The following GREB1 variants were observed in gnomAD, a reference collection of about 807,000 sequenced individuals.
GREB1 encodes growth regulating estrogen receptor binding 1.
Under a neutral mutation model 200.7 loss-of-function variants are expected in GREB1, and 106 were observed. The observed-to-expected ratio is 0.53, with a 90% confidence interval of 0.45 to 0.62. GREB1 has a LOEUF of 0.62. Among genes scored for constraint, GREB1 ranks in the 20% least tolerant of loss-of-function variants. GREB1 has a pLI of 0.00. For synonymous variants in GREB1, 1,132 were observed against 1,092.4 expected (o/e 1.04, Z -0.72); for missense variants, 2,243 against 2,556.8 (o/e 0.88, Z 2.65).
chr2:11,533,707 G>T (rs917090180), upstream of GREB1, among the ~76,000 whole-genome samples: 3 of 152,192 alleles, frequency 2.0e-5, no homozygotes, highest in African/African-American at 4.8e-5. Context: ...TGAACGTTTT[G>T]GGGTAGCCAG....
At chr2:11,587,641 G>A (rs571337575) in intron 9 of GREB1, 220 of 1,369,044 alleles carry the variant, frequency 1.6e-4, no homozygotes, top group Non-Finnish European at 1.9e-4. Flanking sequence ...ACACACAGCC[G>A]AAGTCAGAAA....
At chr2:11,603,303 A>C (rs1004918991) in intron 17 of GREB1, among the ~76,000 whole-genome samples, 7 of 152,238 alleles carry the variant, frequency 4.6e-5, no homozygotes, top group African/African-American at 1.7e-4. Flanking sequence ...TGTCAGCATG[A>C]GCTGGTTTCT....
chr2:11,632,162 C>T (rs371298796), intron 27 of GREB1, 49 bp downstream of exon 27: 1 of 1,335,242 alleles, frequency 7.5e-7, no homozygotes, highest in African/African-American at 1.4e-5. Context: ...TGTGAACGAA[C>T]ACTTGAGAGA....
chr2:11,637,317 G>A (rs1685461706), intron 30 of GREB1, among the ~76,000 whole-genome samples: 1 of 152,048 alleles, frequency 6.6e-6, no homozygotes, highest in Non-Finnish European at 1.5e-5. Flanking sequence ...AGAGCCTGTG[G>A]CTGGGATGCT....
chr2:11,485,872 T>C (rs1672644628), intron 1 of GREB1, among the ~76,000 whole-genome samples: 1 of 152,168 alleles, frequency 6.6e-6, no homozygotes, highest in African/African-American at 2.4e-5. Flanking sequence ...GTAGAGCTAA[T>C]CAATGGTTAG....
intron 4 of GREB1, 63 bp downstream of exon 4, chr2:11,566,719 G>A: frequency 7.0e-7 from 1 of 1,428,532 alleles, no homozygotes; most frequent in Non-Finnish European, 9.4e-7. Flanking sequence ...GGTCAAGGGA[G>A]GTCACGGCGG....
At chr2:11,543,436 C>T (rs568170708) in intron 1 of GREB1, among the ~76,000 whole-genome samples, 11 of 152,236 alleles carry the variant, frequency 7.2e-5, no homozygotes, top group African/African-American at 2.6e-4. Flanking sequence ...TAATTTAGTC[C>T]TCACTACAGC....
chr2:11,581,047 G>A (rs1004212936), intron 7 of GREB1: 2 of 690,488 alleles, frequency 2.9e-6, no homozygotes, highest in Non-Finnish European at 2.7e-6. Flanking sequence ...GTTACCGTAT[G>A]TGCCAAGGAG....
intron 1 of GREB1, among the ~76,000 whole-genome samples, chr2:11,535,302 A>G (rs1242376763): frequency 6.6e-6 from 1 of 152,176 alleles, no homozygotes; most frequent in Non-Finnish European, 1.5e-5. Flanking sequence ...GGCTTCTGGA[A>G]GTTTATGAAA....
Position 11,554,657 on chromosome 2 carries a change from G to A in GREB1, c.-161-1797G>A, listed in dbSNP as rs568225033. Among the ~76,000 whole-genome samples the A allele has an allele frequency of 1.0e-3, 154 of 152,312 alleles. 1 individual carries two copies. The highest frequency in any genetic ancestry group is 3.4e-3 in the African/African-American group (142 of 41,568). ...GCAGGCATCTGGTGCCATTTTGTAT[G>A]TCAAATGTTACTTTAAAGATGAACA... On this transcript the variant is annotated intron_variant, in intron 1 of 32. Coordinates refer to ENST00000381486, the MANE Select transcript of GREB1 (RefSeq NM_014668.4).
intron 1 of GREB1, among the ~76,000 whole-genome samples, chr2:11,537,655 TA>T (rs1425308578): frequency 4.1e-5 from 6 of 145,996 alleles, no homozygotes; most frequent in Non-Finnish European, 9.0e-5. Context: ...ATATATTATA[TA>T]AAAATATAAA....
At chr2:11,593,347 G>A (rs1048859141) in intron 11 of GREB1, among the ~76,000 whole-genome samples, 1 of 152,208 alleles carries the variant, frequency 6.6e-6, no homozygotes, top group Admixed American at 6.5e-5. Context: ...TTAGCCCTGG[G>A]GTCAGCTTGG....
intron 1 of GREB1, among the ~76,000 whole-genome samples, chr2:11,486,774 G>A (rs1288063688): frequency 2.6e-5 from 4 of 151,874 alleles, no homozygotes; most frequent in East Asian, 1.9e-4. Context: ...AGGCTGAGGC[G>A]GGAGAATTGC....
intron 9 of GREB1, chr2:11,588,537 T>G: frequency 1.1e-5 from 7 of 618,622 alleles, no homozygotes; most frequent in East Asian, 5.9e-5. Context: ...CACAGCCCCA[T>G]TGGTTAGAAA....
In GREB1 at chr2:11,641,386, AGAGAG is replaced by A. The variant is rs1346567344; in HGVS notation, c.*936_*940del. The stretch of plus-strand genomic sequence containing the variant: ...CCTCAGGGAAGAATCTCACTTGACT[AGAGAG>A]GAGGTGGGAACAGAAGAGAGAAGGA... On this transcript the variant is annotated 3_prime_UTR_variant, in exon 33 of 33. Coordinates refer to ENST00000381486, the MANE Select transcript of GREB1 (RefSeq NM_014668.4). 6.6e-6 allele frequency: 1 copy of A among 152,236 alleles called. No individual in the cohort carries two copies. Among genetic ancestry groups the A allele is most frequent in the Non-Finnish European group, 1.5e-5 (1 of 68,050 alleles). 9.4% of individuals were successfully genotyped at this position (152,236 alleles called of 1,614,324 possible).
intron 4 of GREB1, among the ~76,000 whole-genome samples, chr2:11,573,868 G>A (rs1678564262): frequency 6.6e-6 from 1 of 152,216 alleles, no homozygotes; most frequent in African/African-American, 2.4e-5. Context: ...TTTCTTATGG[G>A]ACAGAGGCCT....
At position 11,538,665 on chromosome 2, in the gene GREB1, CTTT is replaced by C. The variant is rs1435184488; in HGVS notation, c.-162+4412_-162+4414del. On this transcript the variant is annotated intron_variant, in intron 1 of 32. Coordinates refer to ENST00000381486, the MANE Select transcript of GREB1 (RefSeq NM_014668.4). ...TCTTTCTTTCTTTCTTTCTTTCTTT[CTTT>C]CTTTCTTTCTTTCTTTCTTTCCTTC... is the stretch of plus-strand genomic sequence containing the variant. Among the ~76,000 whole-genome samples, 12 of 88,324 alleles carry C rather than the reference CTTT, an allele frequency of 1.4e-4. 1 individual carries two copies. The highest frequency in any genetic ancestry group is 5.5e-4 in the African/African-American group (12 of 21,972). The allele number at this position is 88,324 out of a possible 152,430, so 57.9% of individuals were successfully genotyped here. A position where few individuals can be genotyped will look rare whatever the true frequency, so the allele number is the denominator to read the frequency against.
intron 6 of GREB1, among the ~76,000 whole-genome samples, chr2:11,579,901 A>G (rs898874033): frequency 6.6e-6 from 1 of 152,230 alleles, no homozygotes; most frequent in African/African-American, 2.4e-5. Flanking sequence ...CTCCAGATGT[A>G]TTAGTCCATT....
chr2:11,522,421 T>G (rs1221240095), intron 1 of GREB1, among the ~76,000 whole-genome samples: 1 of 152,160 alleles, frequency 6.6e-6, no homozygotes, highest in Admixed American at 6.5e-5. Context: ...GCCTCTGTAT[T>G]TGAAAGAGGC....
Sources: gnomAD v4.1 joint callset for allele counts (sites outside exome capture counted in the v4.1 genomes callset) on GRCh38, gnomAD v4.1.1 for gene constraint, MANE v1.5 for transcripts, NCBI Gene and HGNC (gene_info 2026-07-23, HGNC 2026-07-21) for gene names.